The following GDPD1 variants were observed in gnomAD, a reference collection of about 807,000 sequenced individuals.
The protein encoded by GDPD1 is glycerophosphodiester phosphodiesterase domain containing 1.
In GDPD1, 28 loss-of-function variants were observed where a neutral mutation model predicts 45.1. The observed-to-expected ratio is 0.62, with a 90% confidence interval of 0.46 to 0.85. GDPD1 has a LOEUF of 0.85. GDPD1 is among the 40% of genes least tolerant of loss of function. GDPD1 has a pLI of 0.00. For synonymous variants in GDPD1, 139 were observed against 131.4 expected, an observed-to-expected ratio of 1.06 and a Z score of -0.40; for missense variants, 256 against 364.8, an observed-to-expected ratio of 0.70 and a Z score of 2.43.
At chr17:59,237,294 T>C (rs1377388903) in intron 2 of GDPD1, among the ~76,000 whole-genome samples, 1 of 152,046 alleles carries the variant, frequency 6.6e-6, no homozygotes, top group Non-Finnish European at 1.5e-5. Context: ...ACAGCTACTC[T>C]GGAGGCTGAG....
intron 7 of GDPD1, among the ~76,000 whole-genome samples, chr17:59,270,217 A>G (rs2047434079): frequency 1.3e-5 from 2 of 151,048 alleles, no homozygotes; most frequent in Admixed American, 1.3e-4. Context: ...TTTTTGAGAC[A>G]GAGTTTTACT....
Position 59,274,341 on chromosome 17 carries a change from C to A in GDPD1, c.*568C>A. The A allele has an allele frequency of 6.4e-6, 1 of 155,860 alleles. No individual in the cohort carries two copies. Among genetic ancestry groups the A allele is most frequent in the Non-Finnish European group, 1.4e-5 (1 of 71,850 alleles). 9.7% of individuals were successfully genotyped at this position (155,860 alleles called of 1,614,324 possible). On this transcript the variant is annotated 3_prime_UTR_variant, in exon 10 of 10. Transcript: ENST00000284116. ...CAGCCTGGCCAACATGGCAAAACCC[C>A]ATCTCTACCAAAAATACAAAAATTA... is the stretch of plus-strand genomic sequence containing the variant.
intron 6 of GDPD1, among the ~76,000 whole-genome samples, chr17:59,263,397 G>A (rs2047373089): frequency 6.6e-6 from 1 of 150,560 alleles, no homozygotes; most frequent in African/African-American, 2.4e-5. Flanking sequence ...AAACATCACA[G>A]TAAAAATGTC....
At chr17:59,255,874 T>C (rs769488633) in intron 4 of GDPD1, among the ~76,000 whole-genome samples, 473 of 46,402 alleles carry the variant, frequency 0.01, 17 homozygotes, top group African/African-American at 0.02. Context: ...TATATATATA[T>C]ACACACACAC....
chr17:59,273,960 T>A lies in GDPD1; in HGVS notation c.*187T>A. On this transcript the variant is annotated 3_prime_UTR_variant, in exon 10 of 10. Transcript: ENST00000284116. ...TGTATATTTATTTTAAATAATATTG[T>A]ATATTTTATGTTTGTAAATTGTTTA... The A allele has an allele frequency of 1.3e-6, 1 of 749,742 alleles. No homozygotes were observed. The highest frequency in any genetic ancestry group is 1.6e-6 in the Non-Finnish European group (1 of 607,574). 46.4% of individuals were successfully genotyped at this position (749,742 alleles called of 1,614,324 possible). A position where few individuals can be genotyped will look rare whatever the true frequency, so the allele number is the denominator to read the frequency against.
Position 59,274,232 on chromosome 17 carries a change from G to A in GDPD1, c.*459G>A, listed in dbSNP as rs368037655. 6 of 925,410 alleles carry A rather than the reference G, an allele frequency of 6.5e-6. No homozygotes were observed. 57.3% of individuals were successfully genotyped at this position (925,410 alleles called of 1,614,324 possible). ...GACTATTGGATACATTTGGCATTGG[G>A]CTGAGTGTGGTGGCTCATGCCTGTA... On this transcript the variant is annotated 3_prime_UTR_variant, in exon 10 of 10. Transcript: ENST00000284116.
At position 59,267,036 on chromosome 17, in the gene GDPD1, T is replaced by C; in HGVS notation, c.577-5T>C. ...ATAACATGTAATATTGCTTGTGTCTTTTAGAATTCAGATATTCCTATACTC... is the reference window on the plus strand; with the variant it reads ...ATAACATGTAATATTGCTTGTGTCTCTTAGAATTCAGATATTCCTATACTC... On this transcript the variant is annotated splice_polypyrimidine_tract_variant and splice_region_variant and intron_variant, in intron 6 of 9. Coordinates refer to ENST00000284116, the MANE Select transcript of GDPD1 (RefSeq NM_182569.4). The C allele has an allele frequency of 6.2e-7, 1 of 1,605,204 alleles. No individual in the cohort carries two copies. The highest frequency in any genetic ancestry group is 8.5e-7 in the Non-Finnish European group (1 of 1,175,002).
intron 1 of GDPD1, 70 bp downstream of exon 1, chr17:59,220,821 G>A (rs2046998164): frequency 6.5e-7 from 1 of 1,549,402 alleles, no homozygotes. Context: ...CTCCGCAAAA[G>A]GCAGCCGGGT....
At chr17:59,267,380 T>G (rs2047406966) in intron 7 of GDPD1, among the ~76,000 whole-genome samples, 3 of 152,222 alleles carry the variant, frequency 2.0e-5, no homozygotes, top group Admixed American at 2.0e-4. Flanking sequence ...ATTATGATTT[T>G]CTGTGCCTGT....
chr17:59,271,036 G>C, intron 8 of GDPD1, 41 bp downstream of exon 8: 1 of 1,222,914 alleles, frequency 8.2e-7, no homozygotes, highest in Non-Finnish European at 1.2e-6. Context: ...TATTGCTTCA[G>C]CTATATTTAT....
At chr17:59,236,783 T>G (rs900428661) in intron 2 of GDPD1, among the ~76,000 whole-genome samples, 2 of 151,998 alleles carry the variant, frequency 1.3e-5, no homozygotes, top group African/African-American at 4.8e-5. Context: ...GTGCTGGGAT[T>G]ACAGGCGTGA....
intron 1 of GDPD1, among the ~76,000 whole-genome samples, chr17:59,221,018 G>A (rs2046999943): frequency 6.6e-6 from 1 of 152,114 alleles, no homozygotes; most frequent in Non-Finnish European, 1.5e-5. Context: ...AGACACGGTC[G>A]AGAATGAAGG....
At chr17:59,245,672 C>A in intron 3 of GDPD1, 123 bp downstream of exon 3, 2 of 714,306 alleles carry the variant, frequency 2.8e-6, no homozygotes, top group Non-Finnish European at 4.3e-6. Context: ...AAATACTAAA[C>A]ATCAAAGGAA....
At chr17:59,252,008 AAAAG>A (rs2147891260) in intron 4 of GDPD1, among the ~76,000 whole-genome samples, 1 of 150,640 alleles carries the variant, frequency 6.6e-6, no homozygotes, top group East Asian at 2.0e-4. Flanking sequence ...AAAAAAAAAA[AAAAG>A]AGAAAAGAAA....
In GDPD1 at chr17:59,267,989, A is replaced by G. The variant is rs190902658; in HGVS notation, c.710+815A>G. On this transcript the variant is annotated intron_variant, in intron 7 of 9. Coordinates refer to ENST00000284116, the MANE Select transcript of GDPD1 (RefSeq NM_182569.4). ...GCCAGGATCCTTTTATATTTACGTA[A>G]TTCCACTACTAGAAAAGCCTTGCAT... Among the ~76,000 whole-genome samples the G allele has an allele frequency of 6.6e-5, 10 of 152,158 alleles. No homozygotes were observed. The East Asian group carries it at 1.7e-3, about 26-fold the overall frequency.
rs1214555283 is a variant in GDPD1, at chr17:59,267,124, GC to G, written c.663del (p.Ile222PhefsTer15). On this transcript the variant is annotated frameshift_variant, in exon 7 of 10. Transcript: ENST00000284116. LOFTEE classifies it high-confidence loss of function. The part of the protein sequence containing the change: ...LFFTGLLPFV[P>X]IREQFFEIPM... ...TCTTCACTGGCCTCTTGCCCTTTGT[GC>G]CCATTCGAGAACAGTTTTTTGAAAT... 1 of 1,613,708 alleles carries G rather than the reference GC, an allele frequency of 6.2e-7. No individual in the cohort carries two copies. The highest frequency in any genetic ancestry group is 8.5e-7 in the Non-Finnish European group (1 of 1,179,846).
chr17:59,251,163 C>G (rs1348733774), intron 4 of GDPD1, among the ~76,000 whole-genome samples: 5 of 152,172 alleles, frequency 3.3e-5, no homozygotes, highest in African/African-American at 1.2e-4. Flanking sequence ...CTTAGCAGAC[C>G]AGTGTTCAGC....
chr17:59,229,756 G>A (rs2047075096), intron 1 of GDPD1, among the ~76,000 whole-genome samples: 3 of 152,062 alleles, frequency 2.0e-5, no homozygotes, highest in East Asian at 1.9e-4. Context: ...AACAACACAC[G>A]GCTTATTCAG....
At chr17:59,269,612 C>T (rs1025729899) in intron 7 of GDPD1, among the ~76,000 whole-genome samples, 5 of 151,862 alleles carry the variant, frequency 3.3e-5, no homozygotes, top group Non-Finnish European at 5.9e-5. Flanking sequence ...CACCTGAGGT[C>T]GGGAGTTCCA....
Sources: allele counts gnomAD v4.1 joint callset (sites outside exome capture counted in the v4.1 genomes callset), GRCh38; gene constraint gnomAD v4.1.1; transcripts MANE v1.5; gene names NCBI Gene and HGNC (gene_info 2026-07-23, HGNC 2026-07-21).